The following MAGI1 variants were observed in gnomAD, a reference collection of about 807,000 sequenced individuals.
MAGI1 encodes membrane-associated guanylate kinase, WW and PDZ domain-containing protein 1.
MAGI1 carries 58 observed loss-of-function variants against 139.9 expected under a neutral mutation model. The observed-to-expected ratio is 0.41, with a 90% CI of 0.34 to 0.52. MAGI1 has a LOEUF of 0.52. Among genes scored for constraint, MAGI1 ranks in the 20% least tolerant of loss-of-function variants. MAGI1 has a pLI of 0.12. For missense variants in MAGI1, 1,874 were observed against 1,901.6 expected (o/e 0.99, Z 0.27); for synonymous variants, 812 against 737.9 (o/e 1.10, Z -1.63).
At chr3:65,749,709 T>G (rs577302729) in intron 1 of MAGI1, among the ~76,000 whole-genome samples, 6 of 107,120 alleles carry the variant, frequency 5.6e-5, no homozygotes, top group African/African-American at 2.0e-4. Context: ...CTAGTCTGAG[T>G]TAAAAAAAAA....
chr3:65,544,611 T>C (rs768105511), intron 2 of MAGI1, among the ~76,000 whole-genome samples: 3 of 152,208 alleles, frequency 2.0e-5, no homozygotes, highest in Non-Finnish European at 2.9e-5. Flanking sequence ...CAGTCACTCA[T>C]ACCAGCCAGA....
intron 12 of MAGI1, among the ~76,000 whole-genome samples, chr3:65,410,499 G>A (rs575041320): frequency 1.3e-5 from 2 of 152,264 alleles, no homozygotes; most frequent in Non-Finnish European, 2.9e-5. Flanking sequence ...TTGGTTTAGA[G>A]TCTACTACGA....
chr3:65,909,153 T>C (rs2061557031), intron 1 of MAGI1, among the ~76,000 whole-genome samples: 2 of 152,034 alleles, frequency 1.3e-5, no homozygotes, highest in South Asian at 2.1e-4. Flanking sequence ...TGTACTCAAG[T>C]ATATAAATTT....
chr3:65,870,726 AAAAAG>A (rs1019714654), intron 1 of MAGI1, among the ~76,000 whole-genome samples: 1 of 151,762 alleles, frequency 6.6e-6, no homozygotes, highest in African/African-American at 2.4e-5. Context: ...GAAAAAAAAA[AAAAAG>A]AAAGAATGAA....
chr3:65,745,054 A>G (rs2035588446), intron 1 of MAGI1, among the ~76,000 whole-genome samples: 1 of 152,038 alleles, frequency 6.6e-6, no homozygotes, highest in Non-Finnish European at 1.5e-5. Flanking sequence ...AGAATCATAC[A>G]GTGTTGGTCC....
rs535843429 is a variant in MAGI1 at position 65,397,702 on chromosome 3, G to A, written c.2199+3737C>T. The stretch of plus-strand genomic sequence containing the variant: ...AATCACAGCACTTATTCAATCGTGG[G>A]TGTTGGCATTTTATGATGACTTATA... On this transcript the variant is annotated intron_variant, in intron 13 of 22. Transcript: ENST00000402939. 2.0e-5 allele frequency among the ~76,000 whole-genome samples: 3 copies of A among 152,242 alleles called. No homozygotes were observed. The South Asian group carries it at 6.2e-4, about 32-fold the overall frequency.
intron 1 of MAGI1, among the ~76,000 whole-genome samples, chr3:65,628,979 T>C (rs1398109512): frequency 6.6e-6 from 1 of 152,212 alleles, no homozygotes; most frequent in East Asian, 1.9e-4. Flanking sequence ...ATATTCTAGA[T>C]AGGGTTCCTT....
intron 12 of MAGI1, among the ~76,000 whole-genome samples, chr3:65,414,535 C>T (rs1946042576): frequency 2.0e-5 from 3 of 152,310 alleles, no homozygotes; most frequent in Admixed American, 1.3e-4. Flanking sequence ...CACATTACTT[C>T]GGCAGCTCTG....
chr3:65,828,913 T>C (rs1575628615), intron 1 of MAGI1, among the ~76,000 whole-genome samples: 1 of 152,040 alleles, frequency 6.6e-6, no homozygotes, highest in African/African-American at 2.4e-5. Context: ...GGGCCATGAG[T>C]CATGGAATGT....
chr3:65,358,056 G>A (rs1940387093), intron 22 of MAGI1, among the ~76,000 whole-genome samples: 2 of 152,072 alleles, frequency 1.3e-5, no homozygotes, highest in South Asian at 4.1e-4. Flanking sequence ...GACATGGGAG[G>A]CAGTCATAAT....
intron 2 of MAGI1, among the ~76,000 whole-genome samples, chr3:65,621,098 T>C (rs2083644421): frequency 6.6e-6 from 1 of 152,230 alleles, no homozygotes; most frequent in Non-Finnish European, 1.5e-5. Flanking sequence ...TATTCTTCCT[T>C]TCTTTTGCTG....
chr3:65,777,615 C>A, intron 1 of MAGI1, among the ~76,000 whole-genome samples: 1 of 132,968 alleles, frequency 7.5e-6, no homozygotes, highest in Admixed American at 8.9e-5. Context: ...GCACTCCAGC[C>A]TGGGCAACAG....
intron 21 of MAGI1, among the ~76,000 whole-genome samples, chr3:65,362,957 A>G (rs368164719): frequency 1.1e-4 from 17 of 152,308 alleles, no homozygotes; most frequent in African/African-American, 3.8e-4. Context: ...AACTCTGAAT[A>G]TTCATGCCAC....
chr3:65,886,769 A>G (rs1304309846), intron 1 of MAGI1, among the ~76,000 whole-genome samples: 2 of 152,240 alleles, frequency 1.3e-5, no homozygotes, highest in Non-Finnish European at 2.9e-5. Flanking sequence ...CATAAGGTAG[A>G]AATGAACTTC....
chr3:65,491,324 T>C (rs1952017438), intron 3 of MAGI1, among the ~76,000 whole-genome samples: 1 of 152,132 alleles, frequency 6.6e-6, no homozygotes, highest in Non-Finnish European at 1.5e-5. Flanking sequence ...GTTGCAATGA[T>C]AAAATTAAAT....
intron 1 of MAGI1, among the ~76,000 whole-genome samples, chr3:65,963,497 T>C (rs1471415520): frequency 6.6e-6 from 1 of 152,008 alleles, no homozygotes; most frequent in Non-Finnish European, 1.5e-5. Flanking sequence ...GCGCCTATAG[T>C]CCCAGCTACT....
At chr3:65,792,609 A>G (rs1255534067) in intron 1 of MAGI1, among the ~76,000 whole-genome samples, 8 of 152,292 alleles carry the variant, frequency 5.3e-5, no homozygotes, top group African/African-American at 1.9e-4. Flanking sequence ...TTCCTTGAAC[A>G]TAAGCACTAG....
chr3:66,035,991 C>T (rs2068896490), intron 1 of MAGI1, among the ~76,000 whole-genome samples: 1 of 152,152 alleles, frequency 6.6e-6, no homozygotes, highest in Non-Finnish European at 1.5e-5. Context: ...TATTCAGGAC[C>T]CGTTAGACAC....
intron 6 of MAGI1, among the ~76,000 whole-genome samples, chr3:65,448,706 AC>A (rs1259078459): frequency 6.6e-6 from 1 of 151,150 alleles, no homozygotes; most frequent in Non-Finnish European, 1.5e-5. Flanking sequence ...ATACACACAC[AC>A]ACACACACAC....
Sources: allele counts gnomAD v4.1 joint callset (sites outside exome capture counted in the v4.1 genomes callset), GRCh38; gene constraint gnomAD v4.1.1; transcripts MANE v1.5; gene names NCBI Gene and HGNC (gene_info 2026-07-23, HGNC 2026-07-21).